CCDC7: variants seen among roughly 807,000 people sequenced by gnomAD.
CCDC7 encodes coiled-coil domain containing 7.
Under a neutral mutation model 196.9 loss-of-function variants are expected in CCDC7, and 183 were observed. The observed-to-expected ratio is 0.93, with a 90% CI of 0.82 to 1.05. The LOEUF (loss-of-function observed/expected upper bound fraction) is 1.05. Ranked by LOEUF, CCDC7 falls within the 50% of genes least tolerant of loss-of-function variation. The probability of loss-of-function intolerance (pLI) is 0.00; values close to 1 mark genes in which losing one functional copy is unlikely to be tolerated. For missense variants in CCDC7, 1,540 were observed against 1,482.2 expected (o/e 1.04, Z -0.64); for synonymous variants, 525 against 484.6 (o/e 1.08, Z -1.10).
intron 39 of CCDC7, among the ~76,000 whole-genome samples, chr10:32,850,072 A>G (rs908671954): frequency 2.0e-5 from 3 of 152,182 alleles, no homozygotes; most frequent in Non-Finnish European, 4.4e-5. Flanking sequence ...TTTTGGGATA[A>G]GGAAACAATA....
At chr10:32,688,391 C>T (rs549984212) in intron 22 of CCDC7, among the ~76,000 whole-genome samples, 4 of 152,282 alleles carry the variant, frequency 2.6e-5, no homozygotes, top group African/African-American at 9.6e-5. Context: ...GCAGTGTTTG[C>T]AGTGACTTGG....
chr10:32,737,036 T>A (rs144625545), intron 28 of CCDC7, among the ~76,000 whole-genome samples: 1 of 152,296 alleles, frequency 6.6e-6, no homozygotes, highest in African/African-American at 2.4e-5. Context: ...TTTCCTACTA[T>A]TCTTAGTTTG....
chr10:32,779,146 T>C (rs2080615648), intron 29 of CCDC7, 62 bp downstream of exon 30: 3 of 1,215,758 alleles, frequency 2.5e-6, no homozygotes, highest in East Asian at 2.7e-5. Context: ...ATATTTCAAC[T>C]GTATAGTTCT....
At chr10:32,542,874 CTG>C (rs2051731168) in intron 11 of CCDC7, among the ~76,000 whole-genome samples, 1 of 152,040 alleles carries the variant, frequency 6.6e-6, no homozygotes. Context: ...TTCTTAATGA[CTG>C]TGTACTATAG....
chr10:32,474,488 T>G (rs1477381773), intron 8 of CCDC7, among the ~76,000 whole-genome samples: 1 of 151,858 alleles, frequency 6.6e-6, no homozygotes, highest in Non-Finnish European at 1.5e-5. Flanking sequence ...CTGCCTGCCT[T>G]GGCCTCCCAA....
rs1251632975 is a variant in CCDC7, at chr10:32,779,062, A to G, written c.2991A>G (p.Gln997=). 7.1e-6 allele frequency: 11 copies of G among 1,549,200 alleles called. No homozygotes were observed. The African/African-American group carries it at 1.4e-4, about 19-fold the overall frequency. ...CGTCAATTAGCGACCTAATAATTCA[A>G]TTTGATTTAAACAAAGTGGTCGGTA... The change falls in exon 29 of 42, where the codon CAA becomes CAG. Residue 997 remains glutamine (Q), a synonymous_variant. Transcript: ENST00000639629.
intron 15 of CCDC7, among the ~76,000 whole-genome samples, chr10:32,568,517 G>A (rs1209310805): frequency 6.6e-6 from 1 of 152,028 alleles, no homozygotes; most frequent in Non-Finnish European, 1.5e-5. Context: ...AATAAAAATA[G>A]TTTCTCCGAG....
At chr10:32,445,467 T>C (rs2030724615), upstream of CCDC7, among the ~76,000 whole-genome samples, 1 of 152,250 alleles carries the variant, frequency 6.6e-6, no homozygotes, top group Non-Finnish European at 1.5e-5. Flanking sequence ...GTTCCATCTT[T>C]CCTATTCCTT....
chr10:32,777,416 C>T (rs891227521), intron 28 of CCDC7, among the ~76,000 whole-genome samples: 7 of 152,268 alleles, frequency 4.6e-5, no homozygotes, highest in African/African-American at 1.7e-4. Context: ...ATTGCCGAGT[C>T]AAATGGTATT....
At chr10:32,729,487 T>A (rs1385926518) in intron 28 of CCDC7, 30 bp downstream of exon 29, 1 of 1,040,582 alleles carries the variant, frequency 9.6e-7, no homozygotes, top group Non-Finnish European at 1.4e-6. Flanking sequence ...TCTTATAAAT[T>A]GTTTTTATTA....
chr10:32,624,397 A>G (rs1037437477), intron 18 of CCDC7, among the ~76,000 whole-genome samples: 1 of 152,180 alleles, frequency 6.6e-6, no homozygotes, highest in Admixed American at 6.5e-5. Context: ...GTAGCAGTCA[A>G]CAGTTCTACC....
At chr10:32,542,642 A>AG (rs1201963216) in intron 11 of CCDC7, among the ~76,000 whole-genome samples, 1 of 151,190 alleles carries the variant, frequency 6.6e-6, no homozygotes, top group East Asian at 1.9e-4. Context: ...TCAAAAAAAA[A>AG]AAAAAAAAAA....
intron 20 of CCDC7, among the ~76,000 whole-genome samples, chr10:32,658,192 T>A (rs1189728774): frequency 6.6e-6 from 1 of 152,224 alleles, no homozygotes; most frequent in African/African-American, 2.4e-5. Context: ...CTTCTACATT[T>A]TTGGTTATCT....
In CCDC7 at chr10:32,845,765, A is replaced by G. The variant is rs552765780; in HGVS notation, c.3521-111A>G. 101 of 995,296 alleles carry G rather than the reference A, an allele frequency of 1.0e-4. 1 individual carries two copies. The South Asian group carries it at 1.5e-3, about 14-fold the overall frequency. The allele number at this position is 995,296 out of a possible 1,614,324, so 61.7% of individuals were successfully genotyped here. ...AAATTCTTCATGAATACCCTTCCAT[A>G]ATTACACACACACACACACACACAC... On this transcript the variant is annotated intron_variant, in intron 35 of 41. Coordinates refer to ENST00000639629, the Ensembl canonical transcript of CCDC7.
intron 11 of CCDC7, among the ~76,000 whole-genome samples, chr10:32,532,011 G>T: frequency 6.6e-6 from 1 of 151,798 alleles, no homozygotes; most frequent in Non-Finnish European, 1.5e-5. Flanking sequence ...TTGATTTTCT[G>T]CACATTTCTT....
chr10:32,629,357 T>C (rs2064504216), intron 18 of CCDC7, among the ~76,000 whole-genome samples: 1 of 152,044 alleles, frequency 6.6e-6, no homozygotes, highest in African/African-American at 2.4e-5. Flanking sequence ...CTACTGAATA[T>C]TGGCAAGTTT....
At chr10:32,768,622 T>C (rs181289797) in intron 28 of CCDC7, among the ~76,000 whole-genome samples, 5 of 152,292 alleles carry the variant, frequency 3.3e-5, no homozygotes, top group Admixed American at 1.3e-4. Flanking sequence ...TTTTAACTTT[T>C]GTGTGTTTAG....
At chr10:32,686,513 G>T (rs1324877336) in intron 22 of CCDC7, among the ~76,000 whole-genome samples, 1 of 152,186 alleles carries the variant, frequency 6.6e-6, no homozygotes, top group Non-Finnish European at 1.5e-5. Context: ...AATAGCATAG[G>T]AGGCCTGTTG....
chr10:32,528,421 G>A (rs949456267), intron 11 of CCDC7, among the ~76,000 whole-genome samples: 7 of 140,568 alleles, frequency 5.0e-5, no homozygotes, highest in African/African-American at 1.3e-4. Context: ...CCTTTCCCCC[G>A]AGTCCTCAAC....
Sources: gnomAD v4.1 joint callset for allele counts (sites outside exome capture counted in the v4.1 genomes callset) on GRCh38, gnomAD v4.1.1 for gene constraint, MANE v1.5 for transcripts, NCBI Gene and HGNC (gene_info 2026-07-23, HGNC 2026-07-21) for gene names.